The following CFAP299 variants were observed in gnomAD, a reference collection of about 807,000 sequenced individuals.
The protein encoded by CFAP299 is cilia and flagella associated protein 299, also known as cilia- and flagella-associated protein 299.
A neutral mutation model predicts 27.0 loss-of-function variants in CFAP299; 21 were observed. The ratio of observed to expected loss-of-function variants is 0.78; its 90% CI spans 0.55 to 1.12. The LOEUF (loss-of-function observed/expected upper bound fraction) is 1.12. CFAP299 is among the 50% of genes most tolerant of loss of function. The probability of loss-of-function intolerance (pLI) is 0.00; values close to 1 mark genes in which losing one functional copy is unlikely to be tolerated. For missense variants in CFAP299, 310 were observed against 276.6 expected (o/e 1.12, Z -0.86); for synonymous variants, 104 against 98.1 (o/e 1.06, Z -0.36).
At chr4:80,450,897 G>GTA (rs1328051754) in intron 2 of CFAP299, among the ~76,000 whole-genome samples, 6 of 150,550 alleles carry the variant, frequency 4.0e-5, no homozygotes, top group Non-Finnish European at 4.4e-5. Flanking sequence ...CCGTGTGTGT[G>GTA]TGTGTGTGTG....
chr4:80,855,332 T>A (rs1220313769), intron 3 of CFAP299, among the ~76,000 whole-genome samples: 1 of 152,096 alleles, frequency 6.6e-6, no homozygotes, highest in Admixed American at 6.6e-5. Context: ...TGTCTAATAG[T>A]GCAAGTTCTA....
intron 2 of CFAP299, among the ~76,000 whole-genome samples, chr4:80,505,767 C>A (rs996812879): frequency 6.6e-6 from 1 of 151,962 alleles, no homozygotes; most frequent in Non-Finnish European, 1.5e-5. Context: ...ATAAAGAAAT[C>A]TCATGAGCCC....
intron 1 of CFAP299, among the ~76,000 whole-genome samples, chr4:80,353,615 C>T (rs1251820978): frequency 2.0e-5 from 3 of 152,130 alleles, no homozygotes; most frequent in Non-Finnish European, 4.4e-5. Flanking sequence ...AGTAGCTGTT[C>T]CTGGAAGCAG....
chr4:80,755,370 C>T (rs1050773943), intron 3 of CFAP299, among the ~76,000 whole-genome samples: 1 of 152,088 alleles, frequency 6.6e-6, no homozygotes, highest in African/African-American at 2.4e-5. Flanking sequence ...AAATTTAGTG[C>T]TTCCTCTCAT....
At chr4:80,549,184 C>T (rs894598780) in intron 2 of CFAP299, among the ~76,000 whole-genome samples, 1 of 152,096 alleles carries the variant, frequency 6.6e-6, no homozygotes, top group African/African-American at 2.4e-5. Flanking sequence ...CACACACACA[C>T]ACACAATTTT....
At chr4:80,487,987 T>G (rs1243764495) in intron 2 of CFAP299, among the ~76,000 whole-genome samples, 1 of 152,194 alleles carries the variant, frequency 6.6e-6, no homozygotes, top group Admixed American at 6.5e-5. Context: ...CTCCAAATTC[T>G]TATGCATGCT....
intron 3 of CFAP299, among the ~76,000 whole-genome samples, chr4:80,658,625 A>G (rs1560682085): frequency 6.6e-6 from 1 of 152,142 alleles, no homozygotes; most frequent in African/African-American, 2.4e-5. Context: ...GTGAATTAGA[A>G]TGCTGAAGAA....
chr4:80,392,742 G>T (rs1725555570), intron 2 of CFAP299, among the ~76,000 whole-genome samples: 1 of 151,428 alleles, frequency 6.6e-6, no homozygotes, highest in Admixed American at 6.6e-5. Flanking sequence ...CATGAGAATG[G>T]ACTAATACAG....
chr4:80,345,714 G>A (rs1400866785), intron 1 of CFAP299, among the ~76,000 whole-genome samples: 1 of 152,124 alleles, frequency 6.6e-6, no homozygotes, highest in Non-Finnish European at 1.5e-5. Flanking sequence ...TTGCTTTTGT[G>A]AATAGCGCCA....
intron 3 of CFAP299, among the ~76,000 whole-genome samples, chr4:80,863,688 A>G (rs972637612): frequency 3.3e-5 from 5 of 152,142 alleles, no homozygotes; most frequent in African/African-American, 7.2e-5. Flanking sequence ...ATAGATCCGT[A>G]TTCATGGCTT....
intron 3 of CFAP299, among the ~76,000 whole-genome samples, chr4:80,748,084 C>T (rs1724723149): frequency 6.6e-6 from 1 of 152,072 alleles, no homozygotes; most frequent in Non-Finnish European, 1.5e-5. Flanking sequence ...AGGTAAATCA[C>T]ACCACCATGT....
chr4:80,906,360 A>T (rs911127347), intron 4 of CFAP299, among the ~76,000 whole-genome samples: 61 of 152,248 alleles, frequency 4.0e-4, no homozygotes, highest in African/African-American at 1.4e-3. Context: ...ATGGGTTAGC[A>T]TTGAGTGTCT....
intron 2 of CFAP299, among the ~76,000 whole-genome samples, chr4:80,468,833 C>CAAA (rs762711937): frequency 7.1e-5 from 5 of 70,456 alleles, no homozygotes; most frequent in East Asian, 4.2e-4. Flanking sequence ...GACTCTGTCT[C>CAAA]AAAAAAAAAA....
intron 2 of CFAP299, among the ~76,000 whole-genome samples, chr4:80,505,620 T>C (rs913631789): frequency 2.0e-5 from 3 of 152,176 alleles, no homozygotes; most frequent in African/African-American, 7.2e-5. Context: ...ACTGGAAAGG[T>C]ACCCACCAAA....
chr4:80,493,327 G>A (rs1053577871), intron 2 of CFAP299, among the ~76,000 whole-genome samples: 1 of 152,150 alleles, frequency 6.6e-6, no homozygotes, highest in African/African-American at 2.4e-5. Context: ...GGAGAGGAAG[G>A]GATTCTTATC....
chr4:80,464,647 G>T (rs1018920927), intron 2 of CFAP299, among the ~76,000 whole-genome samples: 1 of 152,094 alleles, frequency 6.6e-6, no homozygotes, highest in African/African-American at 2.4e-5. Context: ...TGTAGATAAA[G>T]TTAGTAGTAT....
At chr4:80,553,292 G>C (rs548748257) in intron 2 of CFAP299, among the ~76,000 whole-genome samples, 6 of 152,244 alleles carry the variant, frequency 3.9e-5, no homozygotes, top group African/African-American at 1.2e-4. Context: ...ATAGCCTCCA[G>C]CTCCATCCAT....
At chr4:80,839,240 C>T (rs1203141459) in intron 3 of CFAP299, among the ~76,000 whole-genome samples, 3 of 152,084 alleles carry the variant, frequency 2.0e-5, no homozygotes, top group Non-Finnish European at 4.4e-5. Flanking sequence ...AACTGATGAG[C>T]AGTATCACAT....
At chr4:80,787,842 T>C (rs767623052) in intron 3 of CFAP299, among the ~76,000 whole-genome samples, 1 of 152,004 alleles carries the variant, frequency 6.6e-6, no homozygotes, top group Non-Finnish European at 1.5e-5. Context: ...ATGCTATCCA[T>C]TCTGCCTGAA....
Sources: gnomAD v4.1 joint callset for allele counts (sites outside exome capture counted in the v4.1 genomes callset) on GRCh38, gnomAD v4.1.1 for gene constraint, MANE v1.5 for transcripts, NCBI Gene and HGNC (gene_info 2026-07-23, HGNC 2026-07-21) for gene names.